The following RAB9B variants were observed in gnomAD, a reference collection of about 807,000 sequenced individuals.
RAB9B encodes RAB9B, member RAS oncogene family, also known as ras-related protein Rab-9B.
In RAB9B, 1 loss-of-function variant was observed where a neutral mutation model predicts 8.9. The ratio of observed to expected loss-of-function variants is 0.11; its 90% CI spans 0.04 to 0.53. The LOEUF is 0.53. Among genes scored for constraint, RAB9B ranks in the 20% least tolerant of loss-of-function variants. The pLI, the probability that RAB9B is intolerant of heterozygous loss-of-function variation, is 0.93. For synonymous variants in RAB9B, 63 were observed against 57.0 expected (o/e 1.10, Z -0.47); for missense variants, 82 against 152.9 (o/e 0.54, Z 2.45).
chrX:103,830,782 A>G (rs1015829191), intron 1 of RAB9B, among the ~76,000 whole-genome samples: 2 of 111,540 alleles, frequency 1.8e-5, no homozygotes, highest in Non-Finnish European at 3.8e-5. Flanking sequence ...TAGAGGTGGG[A>G]GTGGAGGTGG....
At chrX:103,810,752 C>T in the RAB9B span, among the ~76,000 whole-genome samples, 1 of 111,652 alleles carries the variant, frequency 9.0e-6, no homozygotes, top group Admixed American at 9.5e-5. Context: ...TCTTTTATTC[C>T]TTTTTCCTTT....
At chrX:103,797,199 C>T in the RAB9B span, among the ~76,000 whole-genome samples, 1 of 102,990 alleles carries the variant, frequency 9.7e-6, no homozygotes, top group Non-Finnish European at 2.0e-5. Flanking sequence ...GTGATCCTCT[C>T]ACCTCAGCCT....
At chrX:103,790,963 G>A in the RAB9B span, 7 of 245,657 alleles carry the variant, frequency 2.8e-5, no homozygotes, top group African/African-American at 2.0e-4. Context: ...GAAACAAAGT[G>A]GAAGGAAAGA....
At chrX:103,826,875 A>G (rs1185303198) in intron 2 of RAB9B, 130 bp downstream of exon 2, 2 of 111,578 alleles carry the variant, frequency 1.8e-5, no homozygotes, top group African/African-American at 6.5e-5. Context: ...TAATTTTACA[A>G]AATTTAGTAG....
chrX:103,811,835 A>G, the RAB9B span, among the ~76,000 whole-genome samples: 8 of 111,139 alleles, frequency 7.2e-5, no homozygotes, highest in African/African-American at 2.6e-4. Context: ...TATTTCTCAT[A>G]GTTCTGAAGG....
chrX:103,816,140 C>A, the RAB9B span, among the ~76,000 whole-genome samples: 6 of 110,962 alleles, frequency 5.4e-5, no homozygotes, highest in African/African-American at 9.8e-5. Context: ...CTGGGCAAGA[C>A]GAACAAAGCT....
At chrX:103,793,772 C>T in the RAB9B span, among the ~76,000 whole-genome samples, 1 of 111,720 alleles carries the variant, frequency 9.0e-6, no homozygotes, top group Admixed American at 9.5e-5. Flanking sequence ...ACCCATTGTT[C>T]TTAGCTCTCC....
chrX:103,826,166 G>A lies in RAB9B; in HGVS notation c.-42-340C>T, dbSNP rs960769264. ...CAAATGTGTGACAACTTTAGCTTCC[G>A]GTTTGGACAGTTCCAAACAATAGAC... On this transcript the variant is annotated intron_variant, in intron 2 of 2. Transcript: ENST00000243298. 3.6e-5 allele frequency among the ~76,000 whole-genome samples: 4 copies of A among 111,710 alleles called. No individual in the cohort carries two copies. The South Asian group carries it at 1.1e-3, about 32-fold the overall frequency.
At chrX:103,821,015 A>ACACAC (rs1569434311), downstream of RAB9B, among the ~76,000 whole-genome samples, 2 of 87,802 alleles carry the variant, frequency 2.3e-5, no homozygotes, top group African/African-American at 8.8e-5. Flanking sequence ...CACACACACA[A>ACACAC]AGTTAGCTGG....
At chrX:103,798,644 A>ATTT in the RAB9B span, among the ~76,000 whole-genome samples, 1 of 98,252 alleles carries the variant, frequency 1.0e-5, no homozygotes, top group Non-Finnish European at 2.1e-5. Flanking sequence ...GCAAACTACA[A>ATTT]TTTTTTTTTT....
At position 103,824,438 on chromosome X, in the gene RAB9B, T is replaced by A. The variant is rs2074675206; in HGVS notation, c.*741A>T. The A allele has an allele frequency of 1.8e-5, 2 of 112,199 alleles. No individual in the cohort carries two copies. The highest frequency in any genetic ancestry group is 6.5e-5 in the African/African-American group (2 of 30,875). The allele number at this position is 112,199 out of a possible 1,213,427, so 9.2% of individuals were successfully genotyped here. A position where few individuals can be genotyped will look rare whatever the true frequency, so the allele number is the denominator to read the frequency against. On this transcript the variant is annotated 3_prime_UTR_variant, in exon 3 of 3. Coordinates refer to ENST00000243298, the MANE Select transcript of RAB9B (RefSeq NM_016370.4). ...ATGCAGCAAAAGTAGACTTAGGAAT[T>A]AAAAGCAGACCAACCATTTATTTGC... is the stretch of plus-strand genomic sequence containing the variant.
At chrX:103,805,589 G>T in the RAB9B span, among the ~76,000 whole-genome samples, 1 of 111,674 alleles carries the variant, frequency 9.0e-6, no homozygotes, top group Non-Finnish European at 1.9e-5. Context: ...CACCAGTTAA[G>T]CTGTCTGGTC....
At chrX:103,806,681 A>T in the RAB9B span, among the ~76,000 whole-genome samples, 2 of 111,675 alleles carry the variant, frequency 1.8e-5, no homozygotes, top group Non-Finnish European at 3.8e-5. Flanking sequence ...CATTATTTCA[A>T]GTAAGATATT....
chrX:103,780,225 A>G, the RAB9B span: 1 of 112,787 alleles, frequency 8.9e-6, no homozygotes, highest in Admixed American at 9.4e-5. Context: ...TCACACTGCA[A>G]CAAGGAGAGA....
chrX:103,821,973 G>A (rs1170188823), downstream of RAB9B, among the ~76,000 whole-genome samples: 2 of 111,233 alleles, frequency 1.8e-5, no homozygotes, highest in Non-Finnish European at 1.9e-5. Context: ...CCCAATACAC[G>A]TCATGCATTA....
the RAB9B span, among the ~76,000 whole-genome samples, chrX:103,787,189 A>AGG: frequency 1.9e-3 from 208 of 111,726 alleles, 2 homozygotes; most frequent in East Asian, 0.022. Context: ...GCACAGTTCG[A>AGG]GGTCCCAGAG....
At chrX:103,802,784 C>T in the RAB9B span, among the ~76,000 whole-genome samples, 1 of 110,956 alleles carries the variant, frequency 9.0e-6, no homozygotes, top group Admixed American at 9.6e-5. Context: ...TCATCACCCC[C>T]AAATGAAGAT....
the RAB9B span, among the ~76,000 whole-genome samples, chrX:103,784,470 A>C: frequency 9.0e-6 from 1 of 111,646 alleles, no homozygotes; most frequent in Non-Finnish European, 1.9e-5. Flanking sequence ...TATTGGGAGT[A>C]ATATCAAACC....
At chrX:103,807,606 C>T in the RAB9B span, among the ~76,000 whole-genome samples, 3 of 112,179 alleles carry the variant, frequency 2.7e-5, no homozygotes, top group African/African-American at 9.7e-5. Context: ...TCTTTGCTGC[C>T]TTGGTATGGC....
Sources: allele counts gnomAD v4.1 joint callset (sites outside exome capture counted in the v4.1 genomes callset), GRCh38; gene constraint gnomAD v4.1.1; transcripts MANE v1.5; gene names NCBI Gene and HGNC (gene_info 2026-07-23, HGNC 2026-07-21).